SQOR: variants seen among roughly 807,000 people sequenced by gnomAD.
SQOR encodes sulfide quinone oxidoreductase.
A neutral mutation model predicts 48.6 loss-of-function variants in SQOR; 39 were observed. That is an observed-to-expected ratio of 0.80 (90% CI 0.62 to 1.05). The LOEUF (loss-of-function observed/expected upper bound fraction) is 1.05, where lower values mean the gene tolerates loss of function less well. Ranked by LOEUF, SQOR falls within the 50% of genes least tolerant of loss-of-function variation. The probability of loss-of-function intolerance (pLI) is 0.00; values close to 1 mark genes in which losing one functional copy is unlikely to be tolerated. For synonymous variants in SQOR, 220 were observed against 206.2 expected (o/e 1.07, Z -0.57); for missense variants, 561 against 559.9 (o/e 1.00, Z -0.02).
chr15:45,661,300 A>G (rs1383168236), intron 2 of SQOR, among the ~76,000 whole-genome samples: 4 of 150,256 alleles, frequency 2.7e-5, no homozygotes, highest in African/African-American at 7.3e-5. Context: ...TAAAAAAAAA[A>G]AAAAAAAAAA....
At chr15:45,634,464 T>C (rs1189753490), upstream of SQOR, among the ~76,000 whole-genome samples, 2 of 151,878 alleles carry the variant, frequency 1.3e-5, no homozygotes, top group East Asian at 3.9e-4. Flanking sequence ...GAATATGGGA[T>C]GGGACACTGT....
intron 7 of SQOR, among the ~76,000 whole-genome samples, chr15:45,683,681 T>C (rs1890164575): frequency 6.6e-6 from 1 of 152,128 alleles, no homozygotes; most frequent in South Asian, 2.1e-4. Flanking sequence ...TCTTTTTCAT[T>C]ATTAATATTA....
chr15:45,678,639 C>T (rs1401432587), intron 6 of SQOR, among the ~76,000 whole-genome samples: 1 of 151,886 alleles, frequency 6.6e-6, no homozygotes, highest in African/African-American at 2.4e-5. Flanking sequence ...TCAGGGTCAT[C>T]ATTTTGAATA....
chr15:45,680,312 T>C (rs1248618782), intron 6 of SQOR, among the ~76,000 whole-genome samples: 1 of 152,200 alleles, frequency 6.6e-6, no homozygotes, highest in Non-Finnish European at 1.5e-5. Flanking sequence ...CAGGCTGGCC[T>C]CAAACTCCTG....
chr15:45,688,492 G>C, intron 8 of SQOR, 88 bp downstream of exon 8: 2 of 956,866 alleles, frequency 2.1e-6, no homozygotes, highest in South Asian at 3.6e-5. Flanking sequence ...TGCACTTTCT[G>C]TCTTTTCTTT....
chr15:45,644,852 C>T (rs1895176985), intron 1 of SQOR, among the ~76,000 whole-genome samples: 2 of 152,152 alleles, frequency 1.3e-5, no homozygotes, highest in Non-Finnish European at 1.5e-5. Flanking sequence ...AAAATTGCCT[C>T]TTGCAGGGTT....
At chr15:45,648,033 T>C (rs908371615) in intron 1 of SQOR, among the ~76,000 whole-genome samples, 1 of 152,250 alleles carries the variant, frequency 6.6e-6, no homozygotes, top group East Asian at 1.9e-4. Context: ...AAGTTCTCTA[T>C]CTCTACTCAA....
intron 5 of SQOR, among the ~76,000 whole-genome samples, chr15:45,675,587 C>T (rs1890022094): frequency 6.6e-6 from 1 of 151,654 alleles, no homozygotes; most frequent in Non-Finnish European, 1.5e-5. Context: ...TAGAGACAGG[C>T]TTGTCTCAAA....
chr15:45,663,994 A>G (rs74244959), intron 3 of SQOR, among the ~76,000 whole-genome samples: 1 of 152,178 alleles, frequency 6.6e-6, no homozygotes, highest in Non-Finnish European at 1.5e-5. Context: ...TACAATCAAC[A>G]TAGACATGAT....
chr15:45,671,113 T>C (rs962024346), intron 4 of SQOR, among the ~76,000 whole-genome samples: 3 of 152,244 alleles, frequency 2.0e-5, no homozygotes, highest in African/African-American at 7.2e-5. Context: ...GTAGCCATTA[T>C]TATGGAATCT....
In SQOR at chr15:45,682,225, G is replaced by A. The variant is rs117535952; in HGVS notation, c.865-253G>A. Among the ~76,000 whole-genome samples the A allele has an allele frequency of 1.6e-3, 242 of 152,272 alleles. 7 individuals are homozygous for A. The East Asian group carries it at 0.041, about 26-fold the overall frequency. On this transcript the variant is annotated intron_variant, in intron 6 of 9. Coordinates refer to ENST00000260324, the MANE Select transcript of SQOR (RefSeq NM_021199.4). ...ACTCCAATATCTCATGTACCCGTAC[G>A]TGTGTCCACAGGGCTCTCTTGGTCT...
At chr15:45,684,909 A>C (rs1360168657) in intron 7 of SQOR, among the ~76,000 whole-genome samples, 2 of 152,140 alleles carry the variant, frequency 1.3e-5, no homozygotes, top group Non-Finnish European at 2.9e-5. Context: ...CCATGGAGGG[A>C]GCATCCCCAT....
At position 45,638,684 on chromosome 15, in the gene SQOR, G is replaced by A. The variant is rs574972380; in HGVS notation, c.-18+3576G>A. Among the ~76,000 whole-genome samples the A allele has an allele frequency of 2.6e-5, 4 of 151,740 alleles. No homozygotes were observed. The South Asian group carries it at 8.3e-4, about 32-fold the overall frequency. ...AGTTGCATTGAGCCAAGATTATCATGCCACTGCATTCTAGCCTGCGCAACA... is the reference window on the plus strand; with the variant it reads ...AGTTGCATTGAGCCAAGATTATCATACCACTGCATTCTAGCCTGCGCAACA... On this transcript the variant is annotated intron_variant, in intron 1 of 9. Transcript: ENST00000260324.
intron 3 of SQOR, among the ~76,000 whole-genome samples, chr15:45,666,205 T>C: frequency 6.6e-6 from 1 of 152,232 alleles, no homozygotes; most frequent in East Asian, 1.9e-4. Flanking sequence ...TTAGCTTCGA[T>C]ATGACTCCTT....
At chr15:45,637,828 T>C (rs1895031319) in intron 1 of SQOR, among the ~76,000 whole-genome samples, 1 of 152,236 alleles carries the variant, frequency 6.6e-6, no homozygotes, top group Non-Finnish European at 1.5e-5. Context: ...GACGGACCCA[T>C]GACAAGGCAT....
chr15:45,648,248 G>C (rs1889385166), intron 1 of SQOR, among the ~76,000 whole-genome samples: 1 of 151,948 alleles, frequency 6.6e-6, no homozygotes, highest in East Asian at 1.9e-4. Flanking sequence ...CACGATCTTG[G>C]CTCACTGCAA....
chr15:45,665,583 T>C (rs2140951471), intron 3 of SQOR, among the ~76,000 whole-genome samples: 1 of 151,152 alleles, frequency 6.6e-6, no homozygotes, highest in Non-Finnish European at 1.5e-5. Flanking sequence ...TTCCATTCTG[T>C]CTTTTTTTTT....
At chr15:45,642,474 C>T (rs1201630933) in intron 1 of SQOR, among the ~76,000 whole-genome samples, 2 of 152,200 alleles carry the variant, frequency 1.3e-5, no homozygotes, top group African/African-American at 4.8e-5. Context: ...CCAAGCAAAA[C>T]ACAGCTCTGG....
chr15:45,670,577 G>A (rs1217288609), intron 4 of SQOR, among the ~76,000 whole-genome samples: 1 of 152,148 alleles, frequency 6.6e-6, no homozygotes, highest in Admixed American at 6.5e-5. Flanking sequence ...AGAGTAAATC[G>A]GTAAATATTA....
Sources: gnomAD v4.1 joint callset for allele counts (sites outside exome capture counted in the v4.1 genomes callset) on GRCh38, gnomAD v4.1.1 for gene constraint, MANE v1.5 for transcripts, NCBI Gene and HGNC (gene_info 2026-07-23, HGNC 2026-07-21) for gene names.